Variants in NDUFC1 observed in about 807,000 individuals in gnomAD.
NDUFC1 encodes the protein NADH:ubiquinone oxidoreductase subunit C1.
Under a neutral mutation model 11.6 loss-of-function variants are expected in NDUFC1, and 11 were observed. The observed-to-expected ratio is 0.95, with a 90% CI of 0.60 to 1.58. The LOEUF is 1.58. Ranked by LOEUF, NDUFC1 falls within the 40% of genes most tolerant of loss-of-function variation. The pLI is 0.00. For missense variants in NDUFC1, 112 were observed against 93.0 expected (o/e 1.20, Z -0.84); for synonymous variants, 52 against 42.2 (o/e 1.23, Z -0.90).
At chr4:139,294,968 T>C in intron 4 of NDUFC1, 75 bp downstream of exon 4, 1 of 1,090,922 alleles carries the variant, frequency 9.2e-7, no homozygotes, top group South Asian at 1.3e-5. Flanking sequence ...AACAGCACCA[T>C]TCAATCTCGC....
intron 4 of NDUFC1, among the ~76,000 whole-genome samples, chr4:139,293,046 C>CT (rs1560939055): frequency 1.3e-5 from 2 of 152,052 alleles, no homozygotes; most frequent in African/African-American, 2.4e-5. Flanking sequence ...GTCTCGAACT[C>CT]TGAGCTCAGG....
At chr4:139,290,543 G>C (rs146405557) in intron 5 of NDUFC1, among the ~76,000 whole-genome samples, 34 of 151,628 alleles carry the variant, frequency 2.2e-4, no homozygotes, top group African/African-American at 8.0e-4. Context: ...AAAGAGCTCA[G>C]TTTCAGAGTT....
At chr4:139,296,708 T>G (rs1286303339) in intron 2 of NDUFC1, among the ~76,000 whole-genome samples, 2 of 152,246 alleles carry the variant, frequency 1.3e-5, no homozygotes, top group Non-Finnish European at 2.9e-5. Context: ...TTCTGAGGAA[T>G]AGGTTTTATC....
At chr4:139,298,516 G>C (rs1353759857) in intron 1 of NDUFC1, among the ~76,000 whole-genome samples, 4 of 151,626 alleles carry the variant, frequency 2.6e-5, no homozygotes, top group African/African-American at 9.7e-5. Context: ...CACTTTGGGA[G>C]GCTGCGGTGG....
chr4:139,301,513 CTG>C (rs1205593892), intron 1 of NDUFC1: 37 of 468,900 alleles, frequency 7.9e-5, no homozygotes, highest in Non-Finnish European at 1.1e-4. Context: ...TTGGCTGCCT[CTG>C]TCGGTCTGTT....
chr4:139,301,956 T>A, intron 1 of NDUFC1: 1 of 1,020,822 alleles, frequency 9.8e-7, no homozygotes, highest in Non-Finnish European at 1.4e-6. Context: ...ATAGCTCTCG[T>A]CAGGCCGAAT....
chr4:139,290,608 A>G (rs1745170931), intron 5 of NDUFC1, among the ~76,000 whole-genome samples: 1 of 152,080 alleles, frequency 6.6e-6, no homozygotes, highest in South Asian at 2.1e-4. Context: ...TATACAGCAG[A>G]TATAAGTTAC....
chr4:139,299,158 C>T (rs200767610), intron 1 of NDUFC1, among the ~76,000 whole-genome samples: 5 of 151,674 alleles, frequency 3.3e-5, no homozygotes, highest in Non-Finnish European at 5.9e-5. Flanking sequence ...TTAGTAGAGA[C>T]GGGGTTTCAC....
intron 5 of NDUFC1, among the ~76,000 whole-genome samples, chr4:139,290,716 CAT>C (rs376295863): frequency 0.063 from 9,186 of 145,232 alleles, 830 homozygotes; most frequent in African/African-American, 0.21. Flanking sequence ...AGAAATACAC[CAT>C]ATATATATAT....
Position 139,299,766 on chromosome 4 carries a change from T to C in NDUFC1, c.-221-2323A>G, listed in dbSNP as rs1579068777. On this transcript the variant is annotated intron_variant, in intron 1 of 5. Transcript: ENST00000394223. ...TTTCTTTGTCATCACCCAAAAAGAA[T>C]GTAACATTTGCCAAACTCTATTTCT... 2.0e-5 allele frequency among the ~76,000 whole-genome samples: 3 copies of C among 152,352 alleles called. No individual in the cohort carries two copies. In the East Asian group the frequency reaches 5.8e-4, roughly 29 times the overall value.
At position 139,295,597 on chromosome 4, in the gene NDUFC1, G is replaced by C. The variant is rs1429649585; in HGVS notation, c.67+135C>G. On this transcript the variant is annotated intron_variant, in intron 3 of 5. Transcript: ENST00000394223. ...TGCGTAGGGGACAGGCGTGGGCTGGGCCTTGGGTCGTCTGCCGGCGAAGGT... is the reference window on the plus strand; with the variant it reads ...TGCGTAGGGGACAGGCGTGGGCTGGCCCTTGGGTCGTCTGCCGGCGAAGGT... The C allele has an allele frequency of 2.9e-5, 27 of 922,206 alleles. No homozygotes were observed. In the South Asian group the frequency reaches 4.6e-4, roughly 16 times the overall value. 57.1% of individuals were successfully genotyped at this position (922,206 alleles called of 1,614,324 possible). A position where few individuals can be genotyped will look rare whatever the true frequency, so the allele number is the denominator to read the frequency against.
At chr4:139,297,719 A>C (rs573469281) in intron 1 of NDUFC1, among the ~76,000 whole-genome samples, 1 of 152,304 alleles carries the variant, frequency 6.6e-6, no homozygotes, top group African/African-American at 2.4e-5. Flanking sequence ...AAACAAAACA[A>C]AAAATCCCTA....
intron 1 of NDUFC1, chr4:139,301,478 G>C (rs1745730373): frequency 2.2e-6 from 1 of 456,084 alleles, no homozygotes; most frequent in Non-Finnish European, 3.9e-6. Context: ...TGACCCGGGT[G>C]GGAAAACCCT....
At position 139,296,868 on chromosome 4, in the gene NDUFC1, T is replaced by C. The variant is rs188237549; in HGVS notation, c.-163+517A>G. Among the ~76,000 whole-genome samples the C allele has an allele frequency of 5.3e-3, 805 of 152,348 alleles. 7 individuals carry two copies. Among genetic ancestry groups the C allele is most frequent in the Non-Finnish European group, 7.3e-3 (495 of 68,028 alleles). On this transcript the variant is annotated intron_variant, in intron 2 of 5. Transcript: ENST00000394223. Reference sequence around the variant, plus strand: ...TATGTCATTAATTTTAAAACCAAAATAAATGTTAGCAAATCTCCTATATTC... The same window carrying C: ...TATGTCATTAATTTTAAAACCAAAACAAATGTTAGCAAATCTCCTATATTC...
intron 4 of NDUFC1, 47 bp from the exon 5 acceptor site, chr4:139,292,656 T>C (rs1027495199): frequency 3.3e-6 from 4 of 1,201,442 alleles, no homozygotes; most frequent in Middle Eastern, 1.9e-4. Flanking sequence ...TCTTCCTGGA[T>C]ACTTATATTT....
chr4:139,301,610 G>C (rs1044289297), intron 1 of NDUFC1: 15 of 683,962 alleles, frequency 2.2e-5, no homozygotes, highest in Middle Eastern at 3.9e-4. Flanking sequence ...AGACAACGAG[G>C]AAAAAGGAGG....
intron 1 of NDUFC1, chr4:139,301,708 A>G: frequency 2.0e-6 from 3 of 1,509,772 alleles, no homozygotes; most frequent in Non-Finnish European, 2.7e-6. Context: ...ACGGAACGGC[A>G]GCGGCGGCGG....
chr4:139,295,764 C>T lies in NDUFC1; in HGVS notation c.35G>A (p.Arg12Gln), dbSNP rs1321700527. ...APSALLRPLS[R>Q]LLAPARLPSG... ...CGGGAGCCTGGCGGGGGCCAGCAGC[C>T]GGGAAAGGGGACGCAGCAAGGCGGA... is the stretch of plus-strand genomic sequence containing the variant. The change falls in exon 3 of 6, where the codon CGG (arginine) becomes CAG (glutamine). Residue 12 changes from arginine (R) to glutamine (Q), a missense_variant. Physicochemically the swap from Arg to Gln is conservative, Grantham distance 43. Transcript: ENST00000394223. 9.7e-6 allele frequency: 15 copies of T among 1,552,874 alleles called. No individual in the cohort carries two copies.
Position 139,295,953 on chromosome 4 carries a change from C to G in NDUFC1, c.-155G>C, listed in dbSNP as rs1745454852. 4.4e-6 allele frequency: 3 copies of G among 688,554 alleles called. No individual in the cohort carries two copies. In the Admixed American group the frequency reaches 9.7e-5, roughly 22 times the overall value. 42.7% of individuals were successfully genotyped at this position (688,554 alleles called of 1,614,324 possible). On this transcript the variant is annotated 5_prime_UTR_variant, in exon 3 of 6. Coordinates refer to ENST00000394223, the MANE Select transcript of NDUFC1 (RefSeq NM_001184989.2). ...AGGTTCTCTAGCACCCCGGCCTCAG[C>G]CTTCTGTCTATACAGTGGAATTAGG...
Sources: gnomAD v4.1 joint callset for allele counts (sites outside exome capture counted in the v4.1 genomes callset) on GRCh38, gnomAD v4.1.1 for gene constraint, MANE v1.5 for transcripts, NCBI Gene and HGNC (gene_info 2026-07-23, HGNC 2026-07-21) for gene names.